Variants in SMOC2 observed in about 807,000 individuals in gnomAD.
SMOC2 encodes SPARC-related modular calcium-binding protein 2.
SMOC2 carries 39 observed loss-of-function variants against 61.4 expected under a neutral mutation model. The ratio of observed to expected loss-of-function variants is 0.64; its 90% confidence interval spans 0.49 to 0.83. The LOEUF is 0.83. Among genes scored for constraint, SMOC2 ranks in the 40% least tolerant of loss-of-function variants. The pLI, the probability that SMOC2 is intolerant of heterozygous loss-of-function variation, is 0.00. For synonymous variants in SMOC2, 247 were observed against 239.9 expected (o/e 1.03, Z -0.27); for missense variants, 556 against 592.9 (o/e 0.94, Z 0.65).
chr6:168,459,963 A>G (rs926313753), intron 1 of SMOC2, among the ~76,000 whole-genome samples: 4 of 152,140 alleles, frequency 2.6e-5, no homozygotes, highest in Non-Finnish European at 4.4e-5. Flanking sequence ...TCATCGCTCA[A>G]TCATGTTTCC....
In SMOC2 at chr6:168,535,923, C is replaced by T. The variant is rs1035355840; in HGVS notation, c.464-7702C>T. Among the ~76,000 whole-genome samples, 1 of 152,206 alleles carries T rather than the reference C, an allele frequency of 6.6e-6. No individual in the cohort carries two copies. The highest frequency in any genetic ancestry group is 1.9e-4 in the East Asian group (1 of 5,182). On this transcript the variant is annotated intron_variant, in intron 4 of 12. Coordinates refer to ENST00000356284, the MANE Select transcript of SMOC2 (RefSeq NM_001166412.2). The surrounding 1 kb of genome is among the most constrained non-coding windows in gnomAD (Gnocchi z 4.6). ...GAGACGCATGAGCAGTGACAGGGAT[C>T]CTGGGGACACGTGAGGAATAACGCA...
At chr6:168,528,281 T>G (rs201838977) in intron 4 of SMOC2, among the ~76,000 whole-genome samples, 1 of 150,526 alleles carries the variant, frequency 6.6e-6, no homozygotes, top group Admixed American at 6.7e-5. Context: ...TTTTTTTTTT[T>G]GCCAATAGTG....
At chr6:168,662,191 A>C (rs1477708693) in intron 11 of SMOC2, among the ~76,000 whole-genome samples, 2 of 152,254 alleles carry the variant, frequency 1.3e-5, no homozygotes, top group East Asian at 3.8e-4. Context: ...AGATATTGAC[A>C]GAATAACAGT....
At position 168,603,242 on chromosome 6, in the gene SMOC2, C is replaced by CT. The variant is rs35236951; in HGVS notation, c.824+4262dup. Reference sequence around the variant, plus strand: ...ATGCCAAACTGTGAGTCAATTAAACCTTTTTTTTTTTTTTTTTTTTTTTTA... The same window carrying CT: ...ATGCCAAACTGTGAGTCAATTAAACCTTTTTTTTTTTTTTTTTTTTTTTTTA... On this transcript the variant is annotated intron_variant, in intron 8 of 12. Coordinates refer to ENST00000356284, the MANE Select transcript of SMOC2 (RefSeq NM_001166412.2). Among the ~76,000 whole-genome samples, 332 of 96,336 alleles carry CT rather than the reference C, an allele frequency of 3.4e-3. 2 individuals carry two copies. Among genetic ancestry groups the CT allele is most frequent in the African/African-American group, 6.9e-3 (185 of 26,624 alleles). The allele number at this position is 96,336 out of a possible 152,430, so 63.2% of individuals were successfully genotyped here.
At chr6:168,520,138 G>A (rs1159511269) in intron 2 of SMOC2, among the ~76,000 whole-genome samples, 2 of 152,178 alleles carry the variant, frequency 1.3e-5, no homozygotes, top group African/African-American at 4.8e-5. Context: ...AGACCACTGG[G>A]GTTGGGGGCG....
At chr6:168,451,176 G>A (rs1781452719) in intron 1 of SMOC2, among the ~76,000 whole-genome samples, 1 of 151,806 alleles carries the variant, frequency 6.6e-6, no homozygotes, top group Non-Finnish European at 1.5e-5. Context: ...TCCCTCCCTC[G>A]GGTCGCCCCT....
At chr6:168,442,154 TC>T (rs951145947) in intron 1 of SMOC2, among the ~76,000 whole-genome samples, 3 of 152,230 alleles carry the variant, frequency 2.0e-5, no homozygotes, top group African/African-American at 4.8e-5. Context: ...AGCGCTTTCT[TC>T]CCTTCTCAGG....
chr6:168,541,855 C>T (rs1009304547), intron 4 of SMOC2, among the ~76,000 whole-genome samples: 26 of 152,260 alleles, frequency 1.7e-4, no homozygotes, highest in Middle Eastern at 3.4e-3. Flanking sequence ...CAGTGCTGGT[C>T]GGCTCAGAGA....
intron 7 of SMOC2, among the ~76,000 whole-genome samples, chr6:168,573,097 C>A (rs1253503730): frequency 2.2e-5 from 1 of 46,426 alleles, no homozygotes; most frequent in Non-Finnish European, 3.7e-5. Flanking sequence ...GGACGCGATG[C>A]TCATTTCCTT....
intron 2 of SMOC2, among the ~76,000 whole-genome samples, chr6:168,519,067 G>T (rs1783252321): frequency 6.6e-6 from 1 of 150,614 alleles, no homozygotes; most frequent in African/African-American, 2.4e-5. Context: ...ATATGTGTGT[G>T]AGTGTATGTA....
At chr6:168,609,184 C>T (rs565940786) in intron 9 of SMOC2, among the ~76,000 whole-genome samples, 12 of 152,296 alleles carry the variant, frequency 7.9e-5, no homozygotes, top group African/African-American at 2.9e-4. Context: ...GAATGTGGTT[C>T]CGGGGACACA....
intron 1 of SMOC2, among the ~76,000 whole-genome samples, chr6:168,442,566 G>A (rs1781239634): frequency 6.6e-6 from 1 of 152,268 alleles, no homozygotes; most frequent in Non-Finnish European, 1.5e-5. Context: ...TAGTGAGAAC[G>A]CCTCTGGTGG....
intron 1 of SMOC2, among the ~76,000 whole-genome samples, chr6:168,446,047 A>G (rs1781324876): frequency 6.6e-6 from 1 of 152,234 alleles, no homozygotes; most frequent in African/African-American, 2.4e-5. Flanking sequence ...GTCAAGGGTA[A>G]CATTTATATA....
chr6:168,624,805 A>T (rs1164371952), intron 9 of SMOC2, among the ~76,000 whole-genome samples: 2 of 152,048 alleles, frequency 1.3e-5, no homozygotes, highest in Non-Finnish European at 2.9e-5. Flanking sequence ...AGACACATGC[A>T]CACAGACACA....
intron 8 of SMOC2, among the ~76,000 whole-genome samples, chr6:168,601,074 C>T (rs1275636314): frequency 1.3e-5 from 2 of 152,242 alleles, no homozygotes; most frequent in East Asian, 1.9e-4. Context: ...GCTGATGTCA[C>T]CTTTAATGCT....
intron 7 of SMOC2, among the ~76,000 whole-genome samples, chr6:168,583,716 G>A (rs931682295): frequency 6.6e-6 from 1 of 152,212 alleles, no homozygotes; most frequent in Admixed American, 6.5e-5. Flanking sequence ...GAGTTCACAG[G>A]CTTGGGCCCA....
At chr6:168,533,204 C>A (rs1315856141) in intron 4 of SMOC2, among the ~76,000 whole-genome samples, 2 of 152,168 alleles carry the variant, frequency 1.3e-5, no homozygotes, top group Admixed American at 1.3e-4. Flanking sequence ...CGTCCATCTT[C>A]ACTGTGGATG....
chr6:168,518,938 C>T (rs545374403), intron 2 of SMOC2, among the ~76,000 whole-genome samples: 1 of 133,384 alleles, frequency 7.5e-6, no homozygotes, highest in Non-Finnish European at 1.6e-5. Flanking sequence ...CGTGCATATG[C>T]TTGCATGTGT....
intron 1 of SMOC2, among the ~76,000 whole-genome samples, chr6:168,444,312 C>G (rs1333215623): frequency 1.3e-5 from 2 of 152,070 alleles, no homozygotes; most frequent in East Asian, 3.9e-4. Flanking sequence ...TTTGCCATAC[C>G]TGGCTTCTCA....
Sources: gnomAD v4.1 joint callset for allele counts (sites outside exome capture counted in the v4.1 genomes callset) on GRCh38, gnomAD v4.1.1 for gene constraint, Gnocchi (gnomAD v3.1) non-coding constraint, MANE v1.5 for transcripts, NCBI Gene and HGNC (gene_info 2026-07-23, HGNC 2026-07-21) for gene names.